WNT6: variants seen among roughly 807,000 people sequenced by gnomAD.
WNT6 encodes the protein protein Wnt-6.
Under a neutral mutation model 33.1 loss-of-function variants are expected in WNT6, and 27 were observed. The ratio of observed to expected loss-of-function variants is 0.82; its 90% CI spans 0.60 to 1.12. WNT6 has a LOEUF of 1.12. WNT6 is among the 50% of genes most tolerant of loss of function. The probability of loss-of-function intolerance (pLI) is 0.00; values close to 1 mark genes in which losing one functional copy is unlikely to be tolerated. For synonymous variants in WNT6, 249 were observed against 242.8 expected (o/e 1.03, Z -0.24); for missense variants, 494 against 535.3 (o/e 0.92, Z 0.76).
chr2:218,873,357 A>C lies in WNT6; in HGVS notation c.637-27A>C. ...TTCCCTGCACCCCCTACCTGTCCAC[A>C]TGCGTCCGCCCCTCTGCCTCCCGCA... On this transcript the variant is annotated intron_variant, in intron 3 of 3. Coordinates refer to ENST00000233948, the MANE Select transcript of WNT6 (RefSeq NM_006522.4). The surrounding 1 kb of genome is among the most constrained non-coding windows in gnomAD (Gnocchi z 6.1). 1 of 1,528,848 alleles carries C rather than the reference A, an allele frequency of 6.5e-7. No individual in the cohort carries two copies. Among genetic ancestry groups the C allele is most frequent in the Non-Finnish European group, 8.7e-7 (1 of 1,143,170 alleles). 94.7% of individuals were successfully genotyped at this position (1,528,848 alleles called of 1,614,324 possible). A position where few individuals can be genotyped will look rare whatever the true frequency, so the allele number is the denominator to read the frequency against.
intron 1 of WNT6, among the ~76,000 whole-genome samples, chr2:218,870,635 T>G (rs754673613): frequency 5.3e-5 from 8 of 152,256 alleles, no homozygotes; most frequent in Non-Finnish European, 1.0e-4. Flanking sequence ...ACACATGAAT[T>G]TCCTTGACGG....
rs1274520165 is a variant in WNT6, at chr2:218,873,648, G to A, written c.901G>A (p.Gly301Ser). ...PDFCAPNRRTGSPGTRGRACN... is the reference protein window; with the variant it reads ...PDFCAPNRRTSSPGTRGRACN... ...CTTCTGCGCCCCCAACCGACGCACCGGCTCCCCCGGCACGCGCGGTCGCGC... is the reference window on the plus strand; with the variant it reads ...CTTCTGCGCCCCCAACCGACGCACCAGCTCCCCCGGCACGCGCGGTCGCGC... The change falls in exon 4 of 4, where the codon GGC becomes AGC. Residue 301 changes from glycine (G) to serine (S), a missense_variant. Coordinates refer to ENST00000233948, the MANE Select transcript of WNT6 (RefSeq NM_006522.4). The surrounding 1 kb of genome is among the most constrained non-coding windows in gnomAD (Gnocchi z 6.1). 1.3e-6 allele frequency: 2 copies of A among 1,582,110 alleles called. No homozygotes were observed. The highest frequency in any genetic ancestry group is 8.5e-7 in the Non-Finnish European group (1 of 1,171,520).
At chr2:218,861,627 G>A (rs2106001460) in intron 1 of WNT6, among the ~76,000 whole-genome samples, 1 of 152,256 alleles carries the variant, frequency 6.6e-6, no homozygotes, top group South Asian at 2.1e-4. Context: ...CAAGGAAAAT[G>A]TTGTAAAGGA....
intron 1 of WNT6, among the ~76,000 whole-genome samples, chr2:218,864,793 C>G (rs1473896286): frequency 6.6e-6 from 1 of 152,194 alleles, no homozygotes; most frequent in Non-Finnish European, 1.5e-5. Flanking sequence ...CTGCCACCCC[C>G]AACCCAGGCT....
In WNT6 at chr2:218,873,630, GC is replaced by G; in HGVS notation, c.888del (p.Asn297ThrfsTer53). 6.3e-7 allele frequency: 1 copy of G among 1,579,070 alleles called. No homozygotes were observed. ...LYAADSPDFC[A>X]PNRRTGSPGT... ...CGCCGCCGATTCGCCCGACTTCTGC[GC>G]CCCCAACCGACGCACCGGCTCCCCC... On this transcript the variant is annotated frameshift_variant, in exon 4 of 4. Coordinates refer to ENST00000233948, the MANE Select transcript of WNT6 (RefSeq NM_006522.4). LOFTEE classifies it high-confidence loss of function. This position sits in a 1 kb window ranked among gnomAD's most constrained non-coding sequence, Gnocchi z 6.1.
chr2:218,861,528 T>C (rs892436085), intron 1 of WNT6, among the ~76,000 whole-genome samples: 6 of 152,122 alleles, frequency 3.9e-5, no homozygotes, highest in Admixed American at 1.3e-4. Flanking sequence ...ACTCAGTATG[T>C]ACAGCGCCCC....
chr2:218,871,713 A>T lies in WNT6; in HGVS notation c.530A>T (p.Asp177Val), dbSNP rs1313845014. 3 of 1,589,324 alleles carry T rather than the reference A, an allele frequency of 1.9e-6. No individual in the cohort carries two copies. Among genetic ancestry groups the T allele is most frequent in the Non-Finnish European group, 2.6e-6 (3 of 1,169,018 alleles). The part of the protein sequence containing the change: ...WEWGGCGDDV[D>V]FGDEKSRLFM... ...TGGGGAGGCTGCGGCGACGACGTGG[A>T]CTTCGGGGACGAGAAGTCGAGGCTC... Residue 177 changes from aspartate (D) to valine (V), a missense_variant, in exon 3 of 4, where the codon GAC becomes GTC. Coordinates refer to ENST00000233948, the MANE Select transcript of WNT6 (RefSeq NM_006522.4). The surrounding 1 kb of genome is among the most constrained non-coding windows in gnomAD (Gnocchi z 6.4).
Position 218,865,662 on chromosome 2 carries a change from G to A in WNT6, c.81-5365G>A, listed in dbSNP as rs1276910668. ...GAGGAGGTGGGGGATCAGGAAAGGGGCACAGGATCTCCCACAGGCCTCTCC... is the reference window on the plus strand; with the variant it reads ...GAGGAGGTGGGGGATCAGGAAAGGGACACAGGATCTCCCACAGGCCTCTCC... On this transcript the variant is annotated intron_variant, in intron 1 of 3. Coordinates refer to ENST00000233948, the MANE Select transcript of WNT6 (RefSeq NM_006522.4). 3.3e-5 allele frequency among the ~76,000 whole-genome samples: 5 copies of A among 152,142 alleles called. No homozygotes were observed. The East Asian group carries it at 9.7e-4, about 29-fold the overall frequency.
Position 218,874,046 on chromosome 2 carries a change from C to A in WNT6, c.*201C>A. 1.7e-6 allele frequency: 1 copy of A among 588,286 alleles called. No individual in the cohort carries two copies. The highest frequency in any genetic ancestry group is 2.8e-6 in the Non-Finnish European group (1 of 359,596). The allele number at this position is 588,286 out of a possible 1,614,324, so 36.4% of individuals were successfully genotyped here. ...GAAGGCCCAGGGCGCCAGACGGCCC[C>A]GAAAAGGCGCTCGGGGAGCGTTTAA... On this transcript the variant is annotated 3_prime_UTR_variant, in exon 4 of 4. Transcript: ENST00000233948.
rs368805138 is a variant in WNT6, at chr2:218,869,058, T to C, written c.81-1969T>C. Among the ~76,000 whole-genome samples, 69 of 152,184 alleles carry C rather than the reference T, an allele frequency of 4.5e-4. No individual in the cohort carries two copies. In the South Asian group the frequency reaches 7.7e-3, roughly 17 times the overall value. ...TTGGGGTGCCCTGACCCACCCTCCA[T>C]TGCTTTACTTATCTAGGCTGGGAAA... On this transcript the variant is annotated intron_variant, in intron 1 of 3. Coordinates refer to ENST00000233948, the MANE Select transcript of WNT6 (RefSeq NM_006522.4).
intron 3 of WNT6, among the ~76,000 whole-genome samples, chr2:218,872,733 G>C (rs1266744701): frequency 2.6e-5 from 4 of 152,276 alleles, no homozygotes; most frequent in African/African-American, 7.2e-5. Context: ...AGGCCGCCTG[G>C]GTTCCACTCT....
intron 1 of WNT6, among the ~76,000 whole-genome samples, chr2:218,864,146 C>A (rs1944333609): frequency 6.6e-6 from 1 of 152,234 alleles, no homozygotes; most frequent in African/African-American, 2.4e-5. Flanking sequence ...CAACATCTGA[C>A]CCATCATTAT....
intron 1 of WNT6, among the ~76,000 whole-genome samples, chr2:218,865,245 G>A: frequency 6.6e-6 from 1 of 152,244 alleles, no homozygotes; most frequent in East Asian, 1.9e-4. Context: ...AGTGTGGTCA[G>A]GCTGGCAGGA....
intron 3 of WNT6, among the ~76,000 whole-genome samples, chr2:218,872,720 G>C (rs1009975215): frequency 6.6e-6 from 1 of 152,168 alleles, no homozygotes; most frequent in Non-Finnish European, 1.5e-5. Context: ...GTGACTAGGG[G>C]AGAGGCCGCC....
rs1014565538 is a variant in WNT6, at chr2:218,871,999, G to T, written c.636+180G>T. ...CATGGATGGACATGTGGGAGGAGAGGTGTCCAGCCTCCAAGAAGGAGTCAC... is the reference window on the plus strand; with the variant it reads ...CATGGATGGACATGTGGGAGGAGAGTTGTCCAGCCTCCAAGAAGGAGTCAC... On this transcript the variant is annotated intron_variant, in intron 3 of 3. Coordinates refer to ENST00000233948, the MANE Select transcript of WNT6 (RefSeq NM_006522.4). This position sits in a 1 kb window ranked among gnomAD's most constrained non-coding sequence, Gnocchi z 6.4. Among the ~76,000 whole-genome samples the T allele has an allele frequency of 3.3e-5, 5 of 152,012 alleles. No individual in the cohort carries two copies. In the East Asian group the frequency reaches 9.7e-4, roughly 30 times the overall value.
chr2:218,873,407 C>T lies in WNT6; in HGVS notation c.660C>T (p.Thr220=). 1 of 1,536,922 alleles carries T rather than the reference C, an allele frequency of 6.5e-7. No homozygotes were observed. The highest frequency in any genetic ancestry group is 8.7e-7 in the Non-Finnish European group (1 of 1,146,420). Residue 220 remains threonine (T), a synonymous_variant, in exon 4 of 4, where the codon ACC becomes ACT. Transcript: ENST00000233948. The surrounding 1 kb of genome is among the most constrained non-coding windows in gnomAD (Gnocchi z 6.1). ...GRLAVRSHTR[T]ECKCHGLSGS... is the part of the protein sequence containing the mutation. ...AGGCCGTGCGGAGCCACACGCGCAC[C>T]GAGTGCAAATGCCACGGGCTGTCGG...
Position 218,871,574 on chromosome 2 carries a change from C to T in WNT6, c.391C>T (p.Gln131Ter). ...GGCCTGTTCTATGGGCGAGCTGCTG[C>T]AGTGCGGCTGCCAGGCGCCCCGCGG... ...TQACSMGELL[Q>*]CGCQAPRGRA... Residue 131 changes from glutamine to a stop codon, truncating the protein, a stop_gained, in exon 3 of 4, where the codon CAG becomes TAG. Coordinates refer to ENST00000233948, the MANE Select transcript of WNT6 (RefSeq NM_006522.4). LOFTEE classifies it high-confidence loss of function. This position sits in a 1 kb window ranked among gnomAD's most constrained non-coding sequence, Gnocchi z 6.4. The T allele has an allele frequency of 6.4e-7, 1 of 1,555,264 alleles. No homozygotes were observed.
chr2:218,863,470 A>C (rs1944327994), intron 1 of WNT6, among the ~76,000 whole-genome samples: 1 of 152,140 alleles, frequency 6.6e-6, no homozygotes, highest in Non-Finnish European at 1.5e-5. Flanking sequence ...TGGCTCGGAG[A>C]CCTGGCTCCA....
intron 1 of WNT6, among the ~76,000 whole-genome samples, chr2:218,863,778 G>A (rs1357492033): frequency 6.6e-6 from 1 of 152,182 alleles, no homozygotes; most frequent in Admixed American, 6.5e-5. Context: ...GAACCTGGGA[G>A]GCTGAGGTTG....
Sources: allele counts gnomAD v4.1 joint callset (sites outside exome capture counted in the v4.1 genomes callset), GRCh38; gene constraint gnomAD v4.1.1; non-coding constraint Gnocchi (gnomAD v3.1); transcripts MANE v1.5; gene names NCBI Gene and HGNC (gene_info 2026-07-23, HGNC 2026-07-21).